Variants in TMPRSS11A observed in about 807,000 individuals in gnomAD.
TMPRSS11A encodes transmembrane protease serine 11A.
Under a neutral mutation model 58.9 loss-of-function variants are expected in TMPRSS11A, and 53 were observed. That is an observed-to-expected ratio of 0.90 (90% CI 0.72 to 1.13). The LOEUF (loss-of-function observed/expected upper bound fraction) is 1.13. Among genes scored for constraint, TMPRSS11A ranks in the 50% most tolerant of loss-of-function variants. TMPRSS11A has a pLI of 0.00. For synonymous variants in TMPRSS11A, 167 were observed against 169.8 expected, an observed-to-expected ratio of 0.98 and a Z score of 0.13; for missense variants, 493 against 499.3, an observed-to-expected ratio of 0.99 and a Z score of 0.12.
At chr4:67,936,867 C>A (rs1272116134) in intron 3 of TMPRSS11A, among the ~76,000 whole-genome samples, 2 of 152,134 alleles carry the variant, frequency 1.3e-5, no homozygotes, top group East Asian at 3.9e-4. Context: ...AAACCTAGAT[C>A]TTTGAATTGC....
rs910365254 is a variant in TMPRSS11A, at chr4:67,914,910, T to C, written c.953-180A>G. On this transcript the variant is annotated intron_variant, in intron 8 of 9. Transcript: ENST00000508048. ...ATCTGGCACATCTAACGATAATTAT[T>C]GTCCAATCACATTTTTATAAAAACT... is the stretch of plus-strand genomic sequence containing the variant. Among the ~76,000 whole-genome samples, 3 of 152,214 alleles carry C rather than the reference T, an allele frequency of 2.0e-5. No individual in the cohort carries two copies. In the East Asian group the frequency reaches 5.8e-4, roughly 29 times the overall value.
Position 67,910,892 on chromosome 4 carries a change from T to C in TMPRSS11A, c.*450A>G, listed in dbSNP as rs1488837962. Reference sequence around the variant, plus strand: ...TATGGTGGAAAGGTACTTTGGAAAATCTGATTGAATAAGGAAAAAGAAAAA... The same window carrying C: ...TATGGTGGAAAGGTACTTTGGAAAACCTGATTGAATAAGGAAAAAGAAAAA... On this transcript the variant is annotated 3_prime_UTR_variant, in exon 10 of 10. Coordinates refer to ENST00000508048, the MANE Select transcript of TMPRSS11A (RefSeq NM_001114387.2). The C allele has an allele frequency of 6.6e-6, 1 of 152,186 alleles. No individual in the cohort carries two copies. The highest frequency in any genetic ancestry group is 1.5e-5 in the Non-Finnish European group (1 of 68,098). 9.4% of individuals were successfully genotyped at this position (152,186 alleles called of 1,614,324 possible).
At chr4:67,962,438 A>T (rs1285296015) in intron 1 of TMPRSS11A, among the ~76,000 whole-genome samples, 1 of 152,082 alleles carries the variant, frequency 6.6e-6, no homozygotes, top group Admixed American at 6.5e-5. Context: ...GACTCCAAGG[A>T]GTTGAGGACT....
chr4:67,939,713 G>A (rs919798909), intron 3 of TMPRSS11A, among the ~76,000 whole-genome samples: 15 of 151,918 alleles, frequency 9.9e-5, no homozygotes, highest in Non-Finnish European at 1.8e-4. Context: ...TTTTGAGATG[G>A]ATTTTTGCTC....
intron 3 of TMPRSS11A, among the ~76,000 whole-genome samples, chr4:67,936,835 A>T (rs1298240825): frequency 6.6e-6 from 1 of 152,250 alleles, no homozygotes; most frequent in Non-Finnish European, 1.5e-5. Context: ...AGAAAAAAGT[A>T]TTAATTCTCA....
At chr4:67,956,185 A>G (rs1049163944) in intron 1 of TMPRSS11A, among the ~76,000 whole-genome samples, 1 of 152,206 alleles carries the variant, frequency 6.6e-6, no homozygotes. Flanking sequence ...GGTGTCATAT[A>G]GGTGATCTCG....
At chr4:67,924,352 G>A (rs1720410858) in intron 5 of TMPRSS11A, among the ~76,000 whole-genome samples, 186 bp from the exon 6 acceptor site, 1 of 152,186 alleles carries the variant, frequency 6.6e-6, no homozygotes, top group South Asian at 2.1e-4. Context: ...CTTATAGGCA[G>A]CCTCTAATTA....
rs1721419638 is a variant in TMPRSS11A, at chr4:67,961,482, CCTTTTTTTTTT to C, written c.11+1890_11+1900del. Among the ~76,000 whole-genome samples, 118 of 102,418 alleles carry C rather than the reference CCTTTTTTTTTT, an allele frequency of 1.2e-3. 1 individual carries two copies. Among genetic ancestry groups the C allele is most frequent in the African/African-American group, 3.2e-3 (67 of 20,972 alleles). The allele number at this position is 102,418 out of a possible 152,430, so 67.2% of individuals were successfully genotyped here. On this transcript the variant is annotated intron_variant, in intron 1 of 9. Coordinates refer to ENST00000508048, the MANE Select transcript of TMPRSS11A (RefSeq NM_001114387.2). ...CTTTTCTTTCCTTTCCTTTTCTTTTCCTTTTTTTTTTTTTTTTTTTTTTTTTTTTTTTTTTT... is the reference window on the plus strand; with the variant it reads ...CTTTTCTTTCCTTTCCTTTTCTTTTCTTTTTTTTTTTTTTTTTTTTTTTTT...
At chr4:67,911,546 A>C in intron 9 of TMPRSS11A, 43 bp from the exon 10 acceptor site, 1 of 1,510,712 alleles carries the variant, frequency 6.6e-7, no homozygotes, top group Non-Finnish European at 9.1e-7. Flanking sequence ...AATTAGCTAA[A>C]CATAAAGCTC....
At chr4:67,936,942 C>A (rs573850726) in intron 3 of TMPRSS11A, among the ~76,000 whole-genome samples, 1 of 152,144 alleles carries the variant, frequency 6.6e-6, no homozygotes, top group African/African-American at 2.4e-5. Context: ...TATTTAAAAC[C>A]AGGATACCCA....
chr4:67,935,108 C>G (rs1720720143), intron 3 of TMPRSS11A, among the ~76,000 whole-genome samples: 1 of 152,158 alleles, frequency 6.6e-6, no homozygotes, highest in African/African-American at 2.4e-5. Flanking sequence ...TTAAAAGACA[C>G]TTTTAGCCTT....
intron 7 of TMPRSS11A, among the ~76,000 whole-genome samples, chr4:67,921,058 G>T (rs1036578): frequency 0.5 from 75,829 of 152,002 alleles, 19,745 homozygotes; most frequent in East Asian, 0.68. Flanking sequence ...TTATATGAAT[G>T]AAGAAATAAA....
chr4:67,946,621 G>A, intron 1 of TMPRSS11A, 50 bp from the exon 2 acceptor site: 6 of 1,567,886 alleles, frequency 3.8e-6, no homozygotes, highest in Non-Finnish European at 5.2e-6. Flanking sequence ...AATGCTTGCA[G>A]GTTTTCCAGC....
rs138151063 is a variant in TMPRSS11A at position 67,939,523 on chromosome 4, C to A, written c.252+4996G>T. On this transcript the variant is annotated intron_variant, in intron 3 of 9. Coordinates refer to ENST00000508048, the MANE Select transcript of TMPRSS11A (RefSeq NM_001114387.2). ...TTAAGGATAGTGCCTCCAGCTTTTG[C>A]CCATTCAGTGTGATGATGGCTGTGG... Among the ~76,000 whole-genome samples, 311 of 152,190 alleles carry A rather than the reference C, an allele frequency of 2.0e-3. 4 individuals carry two copies. Among genetic ancestry groups the A allele is most frequent in the African/African-American group, 7.2e-3 (297 of 41,538 alleles).
At chr4:67,918,224 A>G (rs1226988538) in intron 8 of TMPRSS11A, among the ~76,000 whole-genome samples, 2 of 152,222 alleles carry the variant, frequency 1.3e-5, no homozygotes, top group Non-Finnish European at 2.9e-5. Flanking sequence ...CTTTTGTTAT[A>G]CATATGTACC....
At chr4:67,924,762 T>C (rs1344580033) in intron 5 of TMPRSS11A, among the ~76,000 whole-genome samples, 1 of 152,094 alleles carries the variant, frequency 6.6e-6, no homozygotes, top group Non-Finnish European at 1.5e-5. Context: ...TAGAACAGTA[T>C]GGGGGAAACT....
At chr4:67,913,267 G>A (rs1270192136) in intron 9 of TMPRSS11A, among the ~76,000 whole-genome samples, 1 of 152,124 alleles carries the variant, frequency 6.6e-6, no homozygotes, top group African/African-American at 2.4e-5. Flanking sequence ...AAGAAGAGGT[G>A]ATTAGGTCAT....
chr4:67,947,127 G>T (rs983181476), intron 1 of TMPRSS11A, among the ~76,000 whole-genome samples: 29 of 152,022 alleles, frequency 1.9e-4, no homozygotes, highest in African/African-American at 6.5e-4. Context: ...ATATTTTAAT[G>T]TGAAATAAAA....
intron 1 of TMPRSS11A, among the ~76,000 whole-genome samples, chr4:67,962,247 T>C (rs1300583231): frequency 6.6e-6 from 1 of 152,168 alleles, no homozygotes; most frequent in Non-Finnish European, 1.5e-5. Flanking sequence ...CAGAGACTTT[T>C]TGTCAATTAC....
Sources: allele counts gnomAD v4.1 joint callset (sites outside exome capture counted in the v4.1 genomes callset), GRCh38; gene constraint gnomAD v4.1.1; transcripts MANE v1.5; gene names NCBI Gene and HGNC (gene_info 2026-07-23, HGNC 2026-07-21).